Variants in HOOK1 observed in about 807,000 individuals in gnomAD.
The protein encoded by HOOK1 is protein Hook homolog 1.
A neutral mutation model predicts 112.8 loss-of-function variants in HOOK1; 60 were observed. The ratio of observed to expected loss-of-function variants is 0.53; its 90% confidence interval spans 0.43 to 0.66. The LOEUF is 0.66. Among genes scored for constraint, HOOK1 ranks in the 30% least tolerant of loss-of-function variants. The pLI, the probability that HOOK1 is intolerant of heterozygous loss-of-function variation, is 0.00. For missense variants in HOOK1, 770 were observed against 856.0 expected (o/e 0.90, Z 1.25); for synonymous variants, 294 against 283.8 (o/e 1.04, Z -0.36).
rs1429095199 is a variant in HOOK1, at chr1:59,866,082, T to C, written c.1845+110T>C. 1.2e-5 allele frequency: 8 copies of C among 659,230 alleles called. No homozygotes were observed. The East Asian group carries it at 2.0e-4, about 17-fold the overall frequency. 40.8% of individuals were successfully genotyped at this position (659,230 alleles called of 1,614,324 possible). ...GTATCTGTATCTAATCACTTCTCTC[T>C]TAACTGTATTGCCTTACCTGTCAGG... On this transcript the variant is annotated intron_variant, in intron 19 of 21. Coordinates refer to ENST00000371208, the MANE Select transcript of HOOK1 (RefSeq NM_015888.6).
intron 21 of HOOK1, 58 bp downstream of exon 21, chr1:59,871,168 T>C: frequency 1.8e-6 from 2 of 1,115,088 alleles, no homozygotes; most frequent in Non-Finnish European, 2.7e-6. Flanking sequence ...AACTTTTTTT[T>C]GACCAAGTAC....
intron 12 of HOOK1, among the ~76,000 whole-genome samples, chr1:59,852,200 C>A (rs75566210): frequency 1.1e-3 from 169 of 151,674 alleles, no homozygotes; most frequent in African/African-American, 3.8e-3. Context: ...TGCTTTTTTA[C>A]GTTTTGGGAA....
chr1:59,856,582 C>CT (rs955405040), intron 12 of HOOK1, among the ~76,000 whole-genome samples: 1 of 151,500 alleles, frequency 6.6e-6, no homozygotes, highest in African/African-American at 2.4e-5. Flanking sequence ...GGAAATCAGA[C>CT]TTTTTCCATT....
intron 15 of HOOK1, among the ~76,000 whole-genome samples, chr1:59,862,220 A>G (rs1037725821): frequency 6.6e-6 from 1 of 152,208 alleles, no homozygotes; most frequent in Non-Finnish European, 1.5e-5. Context: ...GTGGATACAC[A>G]TAGAGGGAGA....
chr1:59,870,123 G>T (rs1346381051), intron 20 of HOOK1, among the ~76,000 whole-genome samples: 4 of 152,152 alleles, frequency 2.6e-5, no homozygotes, highest in African/African-American at 9.7e-5. Flanking sequence ...GATAATCGCT[G>T]ACATCTAAGT....
intron 19 of HOOK1, among the ~76,000 whole-genome samples, chr1:59,867,386 G>A (rs1643985084): frequency 6.6e-6 from 1 of 152,090 alleles, no homozygotes; most frequent in African/African-American, 2.4e-5. Flanking sequence ...CCACACAGTT[G>A]TCACTCAATA....
intron 5 of HOOK1, 107 bp downstream of exon 5, chr1:59,833,644 T>C: frequency 1.1e-6 from 1 of 925,418 alleles, no homozygotes; most frequent in Non-Finnish European, 1.5e-6. Context: ...GAAAGCACCC[T>C]GAAACGTAAA....
intron 2 of HOOK1, among the ~76,000 whole-genome samples, chr1:59,828,531 G>A (rs1017111442): frequency 2.0e-5 from 3 of 151,994 alleles, no homozygotes; most frequent in East Asian, 1.9e-4. Context: ...ACCTCTTCAC[G>A]GTTGTGACTT....
At chr1:59,850,353 C>T (rs2098406485) in intron 12 of HOOK1, among the ~76,000 whole-genome samples, 2 of 151,192 alleles carry the variant, frequency 1.3e-5, no homozygotes, top group South Asian at 4.2e-4. Context: ...TAGTTTGCAG[C>T]ACCAAGTATT....
intron 15 of HOOK1, 55 bp from the exon 16 acceptor site, chr1:59,862,729 C>A: frequency 9.4e-7 from 1 of 1,060,346 alleles, no homozygotes; most frequent in Non-Finnish European, 1.5e-6. Context: ...TTTGTAGATC[C>A]TTAACTGCTT....
At chr1:59,832,014 A>G in intron 3 of HOOK1, 149 bp from the exon 4 acceptor site, 1 of 459,886 alleles carries the variant, frequency 2.2e-6, no homozygotes, top group South Asian at 4.2e-5. Flanking sequence ...ATGGTTAAAA[A>G]GCATCATGTG....
At chr1:59,858,783 G>GAGCAC (rs1285853726) in intron 13 of HOOK1, among the ~76,000 whole-genome samples, 1 of 140,462 alleles carries the variant, frequency 7.1e-6, no homozygotes, top group East Asian at 2.3e-4. Flanking sequence ...AGGAAGGAAG[G>GAGCAC]AGCACGGGAG....
At chr1:59,821,772 G>A (rs540842043) in intron 1 of HOOK1, 86 bp from the exon 2 acceptor site, 4 of 886,556 alleles carry the variant, frequency 4.5e-6, no homozygotes, top group South Asian at 2.1e-5. Flanking sequence ...GTTTTTTTTA[G>A]CTGTTTTCAA....
chr1:59,846,926 ATATAT>A (rs1448176406), intron 9 of HOOK1, 114 bp from the exon 10 acceptor site: 4 of 625,558 alleles, frequency 6.4e-6, no homozygotes, highest in Non-Finnish European at 7.7e-6. Context: ...TTTATTCATC[ATATAT>A]TTTATTGTGT....
chr1:59,859,835 T>C (rs1421791887), intron 14 of HOOK1, among the ~76,000 whole-genome samples: 2 of 152,070 alleles, frequency 1.3e-5, no homozygotes, highest in Non-Finnish European at 2.9e-5. Context: ...ATACTATTTG[T>C]TTCCTTTAGC....
intron 12 of HOOK1, among the ~76,000 whole-genome samples, chr1:59,850,380 A>G (rs72923809): frequency 0.011 from 1,647 of 151,334 alleles, 24 homozygotes; most frequent in African/African-American, 0.037. Flanking sequence ...TGATGAGATC[A>G]GAGTTACTTG....
intron 12 of HOOK1, among the ~76,000 whole-genome samples, chr1:59,852,109 A>G (rs1050458753): frequency 2.6e-5 from 4 of 151,512 alleles, no homozygotes; most frequent in African/African-American, 7.3e-5. Flanking sequence ...ATTATAAGGG[A>G]TATTGGTTTG....
intron 15 of HOOK1, among the ~76,000 whole-genome samples, chr1:59,861,489 A>G (rs534800459): frequency 1.3e-5 from 2 of 152,196 alleles, no homozygotes; most frequent in South Asian, 2.1e-4. Flanking sequence ...TGTGGTATCA[A>G]TGAAGTGCTC....
intron 15 of HOOK1, among the ~76,000 whole-genome samples, chr1:59,862,174 A>G (rs1301433631): frequency 6.6e-6 from 1 of 152,196 alleles, no homozygotes; most frequent in African/African-American, 2.4e-5. Flanking sequence ...TAACTGCAAC[A>G]GTGGAATATT....
Sources: allele counts gnomAD v4.1 joint callset (sites outside exome capture counted in the v4.1 genomes callset), GRCh38; gene constraint gnomAD v4.1.1; transcripts MANE v1.5; gene names NCBI Gene and HGNC (gene_info 2026-07-23, HGNC 2026-07-21).